The following RRP1 variants were observed in gnomAD, a reference collection of about 807,000 sequenced individuals.
RRP1 encodes ribosomal RNA processing protein 1 homolog A.
A neutral mutation model predicts 54.6 loss-of-function variants in RRP1; 37 were observed. The ratio of observed to expected loss-of-function variants is 0.68; its 90% CI spans 0.52 to 0.89. RRP1 has a LOEUF of 0.89. Among genes scored for constraint, RRP1 ranks in the 40% least tolerant of loss-of-function variants. The pLI, the probability that RRP1 is intolerant of heterozygous loss-of-function variation, is 0.00. For synonymous variants in RRP1, 262 were observed against 244.3 expected, an observed-to-expected ratio of 1.07 and a Z score of -0.67; for missense variants, 639 against 612.5, an observed-to-expected ratio of 1.04 and a Z score of -0.46.
At position 43,797,946 on chromosome 21, in the gene RRP1, G is replaced by C; in HGVS notation, c.657G>C (p.Glu219Asp). The change falls in exon 8 of 13, where the codon GAG becomes GAC. Residue 219 changes from glutamate (E) to aspartate (D), a missense_variant. Glu to Asp is a conservative substitution (Grantham distance 45). Coordinates refer to ENST00000497547, the MANE Select transcript of RRP1 (RefSeq NM_003683.6). ...VLNNITRGIF[E>D]TIVEQAPLAI... is the part of the protein sequence containing the mutation. ...ACAACATCACTCGAGGCATCTTTGA[G>C]ACGATTGTGGAGCAGGCCCCGCTTG... The C allele has an allele frequency of 6.2e-7, 1 of 1,614,192 alleles. No individual in the cohort carries two copies. Among genetic ancestry groups the C allele is most frequent in the Non-Finnish European group, 8.5e-7 (1 of 1,180,006 alleles).
chr21:43,791,169 A>G (rs1027130184), intron 1 of RRP1, 181 bp from the exon 2 acceptor site: 5 of 666,732 alleles, frequency 7.5e-6, no homozygotes, highest in African/African-American at 1.8e-5. Context: ...GCATAGCCAC[A>G]GGCGCGGCAG....
chr21:43,802,711 T>A (rs991374306), intron 12 of RRP1, among the ~76,000 whole-genome samples: 1 of 152,202 alleles, frequency 6.6e-6, no homozygotes, highest in African/African-American at 2.4e-5. Flanking sequence ...TCCGCTCCTC[T>A]CCCGCACCCT....
rs1340425716 is a variant in RRP1 at position 43,797,418 on chromosome 21, T to G, written c.423-4T>G. On this transcript the variant is annotated splice_polypyrimidine_tract_variant and splice_region_variant and intron_variant, in intron 5 of 12. Coordinates refer to ENST00000497547, the MANE Select transcript of RRP1 (RefSeq NM_003683.6). Reference sequence around the variant, plus strand: ...CCTGTCATGTTTGCTTTTTCTTTCCTCAGACAGATCGAGGAGCTGCTAGAG... The same window carrying G: ...CCTGTCATGTTTGCTTTTTCTTTCCGCAGACAGATCGAGGAGCTGCTAGAG... 2 of 1,609,320 alleles carry G rather than the reference T, an allele frequency of 1.2e-6. No homozygotes were observed. The highest frequency in any genetic ancestry group is 1.7e-6 in the Non-Finnish European group (2 of 1,179,476).
chr21:43,791,649 C>T (rs987912842), intron 2 of RRP1, among the ~76,000 whole-genome samples: 1 of 152,106 alleles, frequency 6.6e-6, no homozygotes, highest in African/African-American at 2.4e-5. Context: ...AGTACAGGTA[C>T]CTGCCACCAT....
At chr21:43,792,153 T>G (rs1279463408) in intron 2 of RRP1, among the ~76,000 whole-genome samples, 1 of 152,216 alleles carries the variant, frequency 6.6e-6, no homozygotes, top group Non-Finnish European at 1.5e-5. Context: ...GGTACTTAGT[T>G]AAGTTCAGGT....
At chr21:43,798,952 C>T (rs762912841) in intron 8 of RRP1, among the ~76,000 whole-genome samples, 34 of 144,456 alleles carry the variant, frequency 2.4e-4, no homozygotes, top group Non-Finnish European at 4.8e-4. Flanking sequence ...GTATGCTTCT[C>T]CCTGGTCTCT....
chr21:43,794,759 G>A (rs1449317867), intron 4 of RRP1, among the ~76,000 whole-genome samples: 2 of 152,192 alleles, frequency 1.3e-5, no homozygotes, highest in South Asian at 2.1e-4. Flanking sequence ...TGCCCGTTGC[G>A]GGGGGTTTGG....
intron 1 of RRP1, chr21:43,791,032 C>G (rs1486838604): frequency 2.0e-6 from 1 of 491,948 alleles, no homozygotes; most frequent in East Asian, 5.8e-5. Flanking sequence ...CTTGTGGCCA[C>G]TGTCCAGCTT....
At chr21:43,793,692 G>GT (rs1305668262) in intron 4 of RRP1, among the ~76,000 whole-genome samples, 3 of 152,232 alleles carry the variant, frequency 2.0e-5, no homozygotes, top group Non-Finnish European at 2.9e-5. Flanking sequence ...AGAGTCGATG[G>GT]TGACACCGTT....
intron 7 of RRP1, 88 bp downstream of exon 7, chr21:43,797,783 G>T: frequency 1.3e-6 from 2 of 1,580,224 alleles, no homozygotes; most frequent in South Asian, 2.2e-5. Context: ...TCCCTCGAGG[G>T]ATGAATCTGT....
At chr21:43,791,855 T>C (rs2084962945) in intron 2 of RRP1, among the ~76,000 whole-genome samples, 1 of 152,196 alleles carries the variant, frequency 6.6e-6, no homozygotes, top group African/African-American at 2.4e-5. Flanking sequence ...TCGTATAGCC[T>C]TGACGCTTGG....
Position 43,797,511 on chromosome 21 carries a change from A to G in RRP1, c.512A>G (p.Glu171Gly). ...APNGVKSHFI[E>G]IFLEELTKVG... ...AACGGTGTGAAGAGCCACTTCATCG[A>G]GATCTTCCTGGAGGAGCTGACCAAA... Residue 171 changes from glutamate (E) to glycine (G), a missense_variant, in exon 6 of 13, where the codon GAG becomes GGG. By Grantham distance (98) the Glu-to-Gly change is moderately conservative. Transcript: ENST00000497547. The G allele has an allele frequency of 6.2e-7, 1 of 1,614,008 alleles. No individual in the cohort carries two copies.
In RRP1 at chr21:43,804,909, CAGTT is replaced by C. The variant is rs2085128832; in HGVS notation, c.*1138_*1141del. On this transcript the variant is annotated 3_prime_UTR_variant, in exon 13 of 13. Transcript: ENST00000497547. The surrounding 1 kb of genome is among the most constrained non-coding windows in gnomAD (Gnocchi z 4.3). ...GGGCGGCCGGGGCAGGCTTAGGGCA[CAGTT>C]AGGGGCCAAGGAGAGGGAAGGCCAG... The C allele has an allele frequency of 6.6e-6, 1 of 152,372 alleles. No individual in the cohort carries two copies. The highest frequency in any genetic ancestry group is 2.4e-5 in the African/African-American group (1 of 41,458). 9.4% of individuals were successfully genotyped at this position (152,372 alleles called of 1,614,324 possible). A position where few individuals can be genotyped will look rare whatever the true frequency, so the allele number is the denominator to read the frequency against.
chr21:43,801,760 C>T (rs2085094496), intron 11 of RRP1, among the ~76,000 whole-genome samples: 2 of 152,172 alleles, frequency 1.3e-5, no homozygotes, highest in Non-Finnish European at 2.9e-5. Flanking sequence ...GGTTTTGATG[C>T]AGAAAGTTGC....
intron 10 of RRP1, 71 bp downstream of exon 10, chr21:43,800,685 C>T: frequency 1.3e-6 from 2 of 1,552,042 alleles, no homozygotes; most frequent in Non-Finnish European, 1.8e-6. Flanking sequence ...GATCTGGGTG[C>T]CTTTGCCTTG....
Position 43,804,378 on chromosome 21 carries a change from A to T in RRP1, c.*604A>T, listed in dbSNP as rs993295565. 1.3e-5 allele frequency: 2 copies of T among 152,262 alleles called. No homozygotes were observed. Among genetic ancestry groups the T allele is most frequent in the African/African-American group, 4.8e-5 (2 of 41,388 alleles). 9.4% of individuals were successfully genotyped at this position (152,262 alleles called of 1,614,324 possible). A position where few individuals can be genotyped will look rare whatever the true frequency, so the allele number is the denominator to read the frequency against. ...GGTGGGAAGACCTGGCTTCCGCGAG[A>T]GCCTTGTTCCTGGAGGCAGGAGCGC... On this transcript the variant is annotated 3_prime_UTR_variant, in exon 13 of 13. Coordinates refer to ENST00000497547, the MANE Select transcript of RRP1 (RefSeq NM_003683.6). The surrounding 1 kb of genome is among the most constrained non-coding windows in gnomAD (Gnocchi z 4.3).
intron 10 of RRP1, 41 bp downstream of exon 10, chr21:43,800,655 G>T: frequency 6.3e-7 from 1 of 1,597,394 alleles, no homozygotes; most frequent in Middle Eastern, 1.7e-4. Flanking sequence ...GCTCCCCTTG[G>T]AGTTGCCCTT....
intron 8 of RRP1, among the ~76,000 whole-genome samples, chr21:43,798,785 G>C (rs776269666): frequency 1.1e-4 from 17 of 152,168 alleles, no homozygotes; most frequent in Non-Finnish European, 5.9e-5. Flanking sequence ...GGTGGTCTGA[G>C]CTCTAAGTGT....
chr21:43,800,307 C>T lies in RRP1; in HGVS notation c.892-210C>T, dbSNP rs538242273. 6.6e-5 allele frequency among the ~76,000 whole-genome samples: 10 copies of T among 152,112 alleles called. No homozygotes were observed. In the East Asian group the frequency reaches 7.8e-4, roughly 12 times the overall value. ...AGAGTGTGCCCCGCAGTGCGTGCCC[C>T]GCAGTGCGCCCGCAGCTTGTGTGGT... On this transcript the variant is annotated intron_variant, in intron 9 of 12. Transcript: ENST00000497547.
Sources: allele counts gnomAD v4.1 joint callset (sites outside exome capture counted in the v4.1 genomes callset), GRCh38; gene constraint gnomAD v4.1.1; non-coding constraint Gnocchi (gnomAD v3.1); transcripts MANE v1.5; gene names NCBI Gene and HGNC (gene_info 2026-07-23, HGNC 2026-07-21).